The following APIP variants were observed in gnomAD, a reference collection of about 807,000 sequenced individuals.
The protein encoded by APIP is APAF1 interacting protein, also known as methylthioribulose-1-phosphate dehydratase.
Under a neutral mutation model 32.0 loss-of-function variants are expected in APIP, and 32 were observed. The observed-to-expected ratio is 1.00, with a 90% CI of 0.76 to 1.34. APIP has a LOEUF of 1.34. Among genes scored for constraint, APIP ranks in the 40% most tolerant of loss-of-function variants. The probability of loss-of-function intolerance (pLI) is 0.00; values close to 1 mark genes in which losing one functional copy is unlikely to be tolerated. For missense variants in APIP, 247 were observed against 298.6 expected, an observed-to-expected ratio of 0.83 and a Z score of 1.27; for synonymous variants, 92 against 94.8, an observed-to-expected ratio of 0.97 and a Z score of 0.17.
At chr11:34,883,270 A>T in intron 6 of APIP, 67 bp downstream of exon 6, 3 of 1,454,234 alleles carry the variant, frequency 2.1e-6, no homozygotes, top group Non-Finnish European at 2.8e-6. Context: ...ACCAACTGAC[A>T]TACTTTGTTT....
In APIP at chr11:34,897,565, GT is replaced by G. The variant is rs61026220; in HGVS notation, c.58-2456del. ...TCTTTTAATAATGCAGCTTAGTAAG[GT>G]TTTTTTTTTTCTTTTAATAATGCAG... On this transcript the variant is annotated intron_variant, in intron 1 of 6. Coordinates refer to ENST00000395787, the MANE Select transcript of APIP (RefSeq NM_015957.4). Among the ~76,000 whole-genome samples, 802 of 148,164 alleles carry G rather than the reference GT, an allele frequency of 5.4e-3. 7 individuals are homozygous for G. Among genetic ancestry groups the G allele is most frequent in the African/African-American group, 0.018 (719 of 40,434 alleles).
intron 1 of APIP, chr11:34,896,640 G>A (rs979876163): frequency 6.2e-6 from 3 of 485,540 alleles, no homozygotes; most frequent in African/African-American, 2.0e-5. Flanking sequence ...GTTGAGGGGT[G>A]CAGCAAACCA....
intron 1 of APIP, among the ~76,000 whole-genome samples, chr11:34,909,995 G>T (rs1853521164): frequency 6.6e-6 from 1 of 152,138 alleles, no homozygotes; most frequent in Admixed American, 6.5e-5. Flanking sequence ...TGGCAACAGG[G>T]TATGAGAGGC....
chr11:34,893,219 T>C (rs938452262), intron 2 of APIP, among the ~76,000 whole-genome samples: 1 of 152,200 alleles, frequency 6.6e-6, no homozygotes, highest in African/African-American at 2.4e-5. Context: ...ACATAGTCCT[T>C]TATGTCTTTT....
rs146420175 is a variant in APIP at position 34,916,234 on chromosome 11, G to A, written c.51C>T (p.Gly17=). The change falls in exon 1 of 7, where the codon GGC becomes GGT. Residue 17 remains glycine (G), a synonymous_variant. Coordinates refer to ENST00000395787, the MANE Select transcript of APIP (RefSeq NM_015957.4). ...CCGGTGGCCCCGCCCCTACCTGCGC[G>A]CCGCATCTCCGGGAACAACAGTCTC... ...REGDCCSRRC[G]AQDKEHPRYL... The A allele has an allele frequency of 3.1e-6, 5 of 1,611,754 alleles. No homozygotes were observed. The highest frequency in any genetic ancestry group is 4.2e-6 in the Non-Finnish European group (5 of 1,179,358).
chr11:34,900,659 C>CCTA (rs1304371748), intron 1 of APIP, among the ~76,000 whole-genome samples: 1 of 152,008 alleles, frequency 6.6e-6, no homozygotes, highest in East Asian at 1.9e-4. Flanking sequence ...CAACATGCCT[C>CCTA]CTGTAGCAAA....
chr11:34,885,013 G>C (rs1336908827), intron 5 of APIP, among the ~76,000 whole-genome samples: 1 of 151,098 alleles, frequency 6.6e-6, no homozygotes. Flanking sequence ...CTGTACCATA[G>C]AGACATTGCT....
intron 1 of APIP, among the ~76,000 whole-genome samples, chr11:34,895,757 C>T (rs72928511): frequency 6.6e-6 from 1 of 151,650 alleles, no homozygotes; most frequent in African/African-American, 2.4e-5. Context: ...TGTATACAGA[C>T]AGATAAATAT....
rs1853044122 is a variant in APIP at position 34,885,168 on chromosome 11, G to GTATAACTATATATGTATATATATACCTA, written c.462-1692_462-1665dup. 3.4e-5 allele frequency among the ~76,000 whole-genome samples: 5 copies of GTATAACTATATATGTATATATATACCTA among 147,068 alleles called. No homozygotes were observed. The Admixed American group carries it at 3.4e-4, about 10-fold the overall frequency. On this transcript the variant is annotated intron_variant, in intron 5 of 6. Transcript: ENST00000395787. ...TACCTATATATGTATAGGTATACAT[G>GTATAACTATATATGTATATATATACCTA]TATAACTATATATGTATATATATAC...
intron 5 of APIP, 74 bp downstream of exon 5, chr11:34,888,219 T>G (rs1388160733): frequency 7.6e-7 from 1 of 1,318,716 alleles, no homozygotes; most frequent in African/African-American, 1.5e-5. Flanking sequence ...ATGCATAAAA[T>G]GATCAGTATT....
chr11:34,895,652 A>C (rs1261105897), intron 1 of APIP, among the ~76,000 whole-genome samples: 1 of 152,244 alleles, frequency 6.6e-6, no homozygotes, highest in African/African-American at 2.4e-5. Context: ...ATAGAAAATA[A>C]AGTGAAGCAA....
chr11:34,904,955 A>G (rs960367068), intron 1 of APIP, among the ~76,000 whole-genome samples: 3 of 152,160 alleles, frequency 2.0e-5, no homozygotes, highest in Non-Finnish European at 4.4e-5. Flanking sequence ...CTCACCAAAT[A>G]CTTCTTGCCA....
At chr11:34,906,841 G>A (rs1210923605) in intron 1 of APIP, among the ~76,000 whole-genome samples, 1 of 152,126 alleles carries the variant, frequency 6.6e-6, no homozygotes, top group Non-Finnish European at 1.5e-5. Flanking sequence ...TATGGAATTG[G>A]TTAGCTCCTT....
At chr11:34,903,415 A>G (rs1853397203) in intron 1 of APIP, among the ~76,000 whole-genome samples, 1 of 152,242 alleles carries the variant, frequency 6.6e-6, no homozygotes, top group African/African-American at 2.4e-5. Flanking sequence ...AAAAGCAATC[A>G]CATTAAGCAA....
chr11:34,889,654 G>T (rs1005605127), intron 3 of APIP, among the ~76,000 whole-genome samples: 1 of 151,968 alleles, frequency 6.6e-6, no homozygotes, highest in Non-Finnish European at 1.5e-5. Context: ...CCCTCCAGTA[G>T]GTCCCAGTGT....
chr11:34,885,096 A>C (rs982496628), intron 5 of APIP, among the ~76,000 whole-genome samples: 1 of 148,662 alleles, frequency 6.7e-6, no homozygotes, highest in African/African-American at 2.4e-5. Flanking sequence ...ATATGTATAC[A>C]TAGTATACAT....
At chr11:34,898,139 C>T (rs1163015244) in intron 1 of APIP, among the ~76,000 whole-genome samples, 1 of 152,126 alleles carries the variant, frequency 6.6e-6, no homozygotes, top group Middle Eastern at 3.4e-3. Context: ...GCCAAGAATC[C>T]GAGGTACAAC....
At chr11:34,892,762 A>G (rs1282825224) in intron 2 of APIP, among the ~76,000 whole-genome samples, 1 of 152,182 alleles carries the variant, frequency 6.6e-6, no homozygotes, top group African/African-American at 2.4e-5. Flanking sequence ...TTATGTTCCC[A>G]AAGAGCTTAT....
intron 2 of APIP, among the ~76,000 whole-genome samples, chr11:34,891,835 C>T (rs1209920475): frequency 6.6e-6 from 1 of 152,150 alleles, no homozygotes; most frequent in African/African-American, 2.4e-5. Flanking sequence ...TTAACAAGGG[C>T]TCTTTGTGAA....
Sources: gnomAD v4.1 joint callset for allele counts (sites outside exome capture counted in the v4.1 genomes callset) on GRCh38, gnomAD v4.1.1 for gene constraint, MANE v1.5 for transcripts, NCBI Gene and HGNC (gene_info 2026-07-23, HGNC 2026-07-21) for gene names.